Variants in CUBN observed in about 807,000 individuals in gnomAD.
The protein encoded by CUBN is 460 kDa receptor.
In CUBN, 282 loss-of-function variants were observed where a neutral mutation model predicts 405.3. The observed-to-expected ratio is 0.70, with a 90% CI of 0.63 to 0.77. The LOEUF is 0.77. Ranked by LOEUF, CUBN falls within the 30% of genes least tolerant of loss-of-function variation. CUBN has a pLI of 0.00. For missense variants in CUBN, 4,514 were observed against 4,475.2 expected, an observed-to-expected ratio of 1.01 and a Z score of -0.25; for synonymous variants, 1,684 against 1,617.0, an observed-to-expected ratio of 1.04 and a Z score of -0.99.
At chr10:16,923,366 A>C (rs1203969295) in intron 43 of CUBN, among the ~76,000 whole-genome samples, 1 of 152,138 alleles carries the variant, frequency 6.6e-6, no homozygotes, top group Non-Finnish European at 1.5e-5. Flanking sequence ...GTATAAAACT[A>C]GGTGATTTGA....
chr10:16,951,249 C>T (rs895862634), intron 33 of CUBN, among the ~76,000 whole-genome samples: 7 of 152,138 alleles, frequency 4.6e-5, no homozygotes, highest in African/African-American at 1.4e-4. Context: ...TCCACCTCCC[C>T]GTTTGAATTG....
chr10:17,113,284 A>G (rs1354137359), intron 8 of CUBN, among the ~76,000 whole-genome samples: 1 of 152,140 alleles, frequency 6.6e-6, no homozygotes, highest in East Asian at 1.9e-4. Context: ...ACAACAAAAC[A>G]AAACAAAACC....
In CUBN at chr10:16,828,822, C is replaced by CAG; in HGVS notation, c.10745_10746dup (p.Gly3583LeufsTer11). On this transcript the variant is annotated frameshift_variant, in exon 66 of 67. Coordinates refer to ENST00000377833, the MANE Select transcript of CUBN (RefSeq NM_001081.4). LOFTEE classifies it low-confidence loss of function (END_TRUNC). ...TTACTCACGCCTCCGCAGTATGGTC[C>CAG]AGAGGATGGAGAGCTGGCGTTGGGC... 1 of 1,612,668 alleles carries CAG rather than the reference C, an allele frequency of 6.2e-7. No individual in the cohort carries two copies. Among genetic ancestry groups the CAG allele is most frequent in the Non-Finnish European group, 8.5e-7 (1 of 1,178,698 alleles).
chr10:16,991,647 A>ATT (rs1833591665), intron 28 of CUBN, among the ~76,000 whole-genome samples: 1 of 115,266 alleles, frequency 8.7e-6, no homozygotes, highest in South Asian at 2.6e-4. Flanking sequence ...TTTTTTTTTT[A>ATT]AATATTCTTT....
chr10:16,939,970 A>T, intron 37 of CUBN, 62 bp downstream of exon 37: 1 of 1,325,878 alleles, frequency 7.5e-7, no homozygotes, highest in Non-Finnish European at 1.1e-6. Flanking sequence ...TACTGAGAAA[A>T]TTATTATTTC....
At chr10:17,122,345 A>G (rs1329209192) in intron 6 of CUBN, 1 of 264,918 alleles carries the variant, frequency 3.8e-6, no homozygotes, top group Non-Finnish European at 7.6e-6. Flanking sequence ...ATTTTGACAT[A>G]GCATTGAATA....
In CUBN at chr10:16,882,824, G is replaced by A. The variant is rs566562470; in HGVS notation, c.8905+5593C>T. On this transcript the variant is annotated intron_variant, in intron 56 of 66. Coordinates refer to ENST00000377833, the MANE Select transcript of CUBN (RefSeq NM_001081.4). ...AGGTCAGGAGTTTGAGACCAGCCCG[G>A]CCAACAAGGTGAAACCCCACCTCTA... Among the ~76,000 whole-genome samples, 33 of 152,156 alleles carry A rather than the reference G, an allele frequency of 2.2e-4. No homozygotes were observed. The East Asian group carries it at 5.8e-3, about 27-fold the overall frequency.
chr10:16,847,158 T>C (rs998245051), intron 60 of CUBN, among the ~76,000 whole-genome samples: 1 of 152,048 alleles, frequency 6.6e-6, no homozygotes, highest in Non-Finnish European at 1.5e-5. Flanking sequence ...ATGTCCGTTA[T>C]TTAAATGTGT....
chr10:16,825,952 T>A (rs779518736), intron 66 of CUBN, among the ~76,000 whole-genome samples: 3 of 152,176 alleles, frequency 2.0e-5, no homozygotes, highest in Non-Finnish European at 4.4e-5. Flanking sequence ...ACAATATTTT[T>A]ATTCCTATAC....
At chr10:16,946,350 T>G (rs1397597161) in intron 36 of CUBN, among the ~76,000 whole-genome samples, 1 of 152,140 alleles carries the variant, frequency 6.6e-6, no homozygotes, top group Non-Finnish European at 1.5e-5. Context: ...TGTGATAGGA[T>G]CCTACTACTA....
intron 64 of CUBN, among the ~76,000 whole-genome samples, chr10:16,834,466 G>A (rs1385835489): frequency 2.0e-5 from 3 of 152,140 alleles, no homozygotes; most frequent in Admixed American, 2.0e-4. Context: ...TCAAGCTCTG[G>A]AGTTGTGGTG....
intron 22 of CUBN, among the ~76,000 whole-genome samples, chr10:17,050,327 A>G (rs552241721): frequency 6.6e-6 from 1 of 152,348 alleles, no homozygotes; most frequent in African/African-American, 2.4e-5. Context: ...AAGGAAACTC[A>G]TGATGTACGA....
chr10:17,008,092 A>T (rs1305463372), intron 28 of CUBN, among the ~76,000 whole-genome samples: 1 of 152,180 alleles, frequency 6.6e-6, no homozygotes, highest in African/African-American at 2.4e-5. Context: ...CTGAGGCTGC[A>T]GTGAGCTGAG....
At chr10:16,888,977 A>T (rs1029081321) in intron 55 of CUBN, among the ~76,000 whole-genome samples, 3 of 152,206 alleles carry the variant, frequency 2.0e-5, no homozygotes, top group Non-Finnish European at 4.4e-5. Context: ...ATTATTAGAA[A>T]ACTGCTATTT....
At chr10:17,090,700 A>G (rs1036348093) in intron 14 of CUBN, among the ~76,000 whole-genome samples, 2 of 151,984 alleles carry the variant, frequency 1.3e-5, no homozygotes, top group African/African-American at 4.8e-5. Flanking sequence ...TTATCATACC[A>G]TTAGTAATAA....
At chr10:17,098,530 CT>C (rs1025089933) in intron 14 of CUBN, among the ~76,000 whole-genome samples, 2 of 152,164 alleles carry the variant, frequency 1.3e-5, no homozygotes, top group African/African-American at 4.8e-5. Context: ...CAAGGATTTC[CT>C]TTTCACCACT....
At position 17,071,828 on chromosome 10, in the gene CUBN, G is replaced by T. The variant is rs116350428; in HGVS notation, c.2445C>A (p.Val815=). ...TTTAAAAATTATATGTTTCCTTACC[G>T]ACTTGATAAACAGCTCTGAAACTAG... is the stretch of plus-strand genomic sequence containing the variant. ...EKASFRAVYQ[V]ACGDELTGEG... is the part of the protein sequence containing the mutation. Residue 815 remains valine (V), a splice_region_variant and synonymous_variant, in exon 18 of 67, where the codon GTC becomes GTA. Coordinates refer to ENST00000377833, the MANE Select transcript of CUBN (RefSeq NM_001081.4). 5.6e-6 allele frequency: 9 copies of T among 1,611,574 alleles called. No homozygotes were observed. In the South Asian group the frequency reaches 9.9e-5, roughly 18 times the overall value.
At chr10:16,909,032 G>A (rs1408025350) in intron 48 of CUBN, among the ~76,000 whole-genome samples, 4 of 151,594 alleles carry the variant, frequency 2.6e-5, no homozygotes, top group South Asian at 4.2e-4. Flanking sequence ...ACAGGTGCCC[G>A]CCACCGCGCC....
intron 17 of CUBN, among the ~76,000 whole-genome samples, chr10:17,072,818 T>C (rs988587254): frequency 6.6e-6 from 1 of 152,118 alleles, no homozygotes; most frequent in Non-Finnish European, 1.5e-5. Context: ...GTGAAATCTA[T>C]GTACAACTCT....
Sources: gnomAD v4.1 joint callset for allele counts (sites outside exome capture counted in the v4.1 genomes callset) on GRCh38, gnomAD v4.1.1 for gene constraint, MANE v1.5 for transcripts, NCBI Gene and HGNC (gene_info 2026-07-23, HGNC 2026-07-21) for gene names.